Variants in CELF4 observed in about 807,000 individuals in gnomAD.
CELF4 encodes CUG-BP- and ETR-3-like factor 4.
Under a neutral mutation model 59.9 loss-of-function variants are expected in CELF4, and 18 were observed. The ratio of observed to expected loss-of-function variants is 0.30; its 90% CI spans 0.21 to 0.45. The LOEUF (loss-of-function observed/expected upper bound fraction) is 0.45, where lower values mean the gene tolerates loss of function less well. Ranked by LOEUF, CELF4 falls within the 20% of genes least tolerant of loss-of-function variation. The pLI is 1.00. For synonymous variants in CELF4, 261 were observed against 267.1 expected (o/e 0.98, Z 0.22); for missense variants, 456 against 689.0 (o/e 0.66, Z 3.79).
chr18:37,452,440 C>T (rs1293401087), intron 2 of CELF4, among the ~76,000 whole-genome samples: 1 of 152,112 alleles, frequency 6.6e-6, no homozygotes, highest in Non-Finnish European at 1.5e-5. Context: ...GGCTGTCCTA[C>T]CCCAGGCCCT....
At chr18:37,263,103 C>A (rs971322623) in intron 10 of CELF4, among the ~76,000 whole-genome samples, 3 of 152,138 alleles carry the variant, frequency 2.0e-5, no homozygotes, top group Non-Finnish European at 4.4e-5. Flanking sequence ...AGTTTGGGGG[C>A]AGACTCAGCC....
At chr18:37,525,410 C>T (rs774232881) in intron 1 of CELF4, among the ~76,000 whole-genome samples, 1 of 152,194 alleles carries the variant, frequency 6.6e-6, no homozygotes, top group African/African-American at 2.4e-5. Flanking sequence ...GCTCCTGGCG[C>T]CCTTCGGGGT....
chr18:37,442,275 C>T (rs895229885), intron 2 of CELF4, among the ~76,000 whole-genome samples: 2 of 152,172 alleles, frequency 1.3e-5, no homozygotes, highest in African/African-American at 2.4e-5. Context: ...ATTCATCCAC[C>T]TGCTTGCCAA....
intron 1 of CELF4, among the ~76,000 whole-genome samples, chr18:37,534,040 G>A (rs1370945546): frequency 3.9e-5 from 6 of 152,210 alleles, no homozygotes; most frequent in Admixed American, 2.0e-4. Flanking sequence ...GGACCTGGCC[G>A]CTGGGCCCCG....
rs2067438468 is a variant in CELF4 at position 37,254,097 on chromosome 18, C to A, written c.1334-159G>T. On this transcript the variant is annotated intron_variant, in intron 11 of 12. Transcript: ENST00000420428. This position sits in a 1 kb window ranked among gnomAD's most constrained non-coding sequence, Gnocchi z 5.1. The stretch of plus-strand genomic sequence containing the variant: ...CCCCGGTGCCCGCCCCTCTCCAGCC[C>A]GCGCGCGCGTGCTAGGCCCCTCCGG... The A allele has an allele frequency of 2.7e-6, 1 of 372,824 alleles. No homozygotes were observed. The highest frequency in any genetic ancestry group is 4.2e-6 in the Non-Finnish European group (1 of 239,226). 23.1% of individuals were successfully genotyped at this position (372,824 alleles called of 1,614,324 possible).
At chr18:37,550,083 TGG>T (rs58341354) in intron 1 of CELF4, among the ~76,000 whole-genome samples, 13 of 64,786 alleles carry the variant, frequency 2.0e-4, no homozygotes, top group East Asian at 1.9e-3. Flanking sequence ...GTCCAATGGG[TGG>T]GGGGGGGGGA....
In CELF4 at chr18:37,253,690, C is replaced by T. The variant is rs1475129116; in HGVS notation, c.*44+77G>A. On this transcript the variant is annotated intron_variant, in intron 12 of 12. Coordinates refer to ENST00000420428, the MANE Select transcript of CELF4 (RefSeq NM_020180.4). The surrounding 1 kb of genome is among the most constrained non-coding windows in gnomAD (Gnocchi z 4.5). ...AAGGCACCAGTGAGGGTCCGGCCCA[C>T]GGAGGCCGGAGGAGGCGGCGGGTCC... 7.7e-6 allele frequency: 9 copies of T among 1,171,440 alleles called. No individual in the cohort carries two copies. Among genetic ancestry groups the T allele is most frequent in the African/African-American group, 1.6e-5 (1 of 62,408 alleles). The allele number at this position is 1,171,440 out of a possible 1,614,324, so 72.6% of individuals were successfully genotyped here. A position where few individuals can be genotyped will look rare whatever the true frequency, so the allele number is the denominator to read the frequency against.
intron 7 of CELF4, among the ~76,000 whole-genome samples, chr18:37,271,223 G>A (rs2091075129): frequency 1.4e-5 from 2 of 148,128 alleles, no homozygotes; most frequent in Admixed American, 6.7e-5. Context: ...CAGTGCCCTT[G>A]ACTGTAACCA....
chr18:37,494,127 A>G (rs2099922157), intron 1 of CELF4, among the ~76,000 whole-genome samples: 1 of 152,202 alleles, frequency 6.6e-6, no homozygotes, highest in Admixed American at 6.5e-5. Context: ...TGCAGACCTC[A>G]GAGGGTTAAA....
chr18:37,314,038 T>G (rs1253163376), intron 3 of CELF4, among the ~76,000 whole-genome samples: 4 of 152,222 alleles, frequency 2.6e-5, no homozygotes, highest in Non-Finnish European at 5.9e-5. Context: ...CCTCCCAGGC[T>G]GTCACACCTG....
At chr18:37,482,397 T>G (rs2099870310) in intron 2 of CELF4, among the ~76,000 whole-genome samples, 1 of 152,164 alleles carries the variant, frequency 6.6e-6, no homozygotes, top group Non-Finnish European at 1.5e-5. Context: ...CTGCCTGGAT[T>G]CTGGCAGAAG....
chr18:37,564,659 C>A (rs1028845047), intron 1 of CELF4, among the ~76,000 whole-genome samples: 2 of 151,878 alleles, frequency 1.3e-5, no homozygotes, highest in South Asian at 2.1e-4. Context: ...CTTGCCAGAC[C>A]CCCCACTCCA....
intron 2 of CELF4, among the ~76,000 whole-genome samples, chr18:37,444,846 A>G (rs1390139685): frequency 2.0e-5 from 3 of 152,094 alleles, no homozygotes; most frequent in Non-Finnish European, 4.4e-5. Context: ...GAGAGACACT[A>G]GGTATGGTCA....
chr18:37,545,896 T>C (rs183421606), intron 1 of CELF4, among the ~76,000 whole-genome samples: 2 of 152,298 alleles, frequency 1.3e-5, no homozygotes, highest in East Asian at 3.9e-4. Flanking sequence ...ATGCCACAGA[T>C]GGCCCAGCCA....
chr18:37,286,117 G>C (rs1206011641), intron 3 of CELF4, among the ~76,000 whole-genome samples: 1 of 152,244 alleles, frequency 6.6e-6, no homozygotes. Flanking sequence ...TTCTGCAGGG[G>C]AGGAGGAGGA....
intron 2 of CELF4, among the ~76,000 whole-genome samples, chr18:37,458,326 G>A (rs2099784340): frequency 1.3e-5 from 2 of 152,208 alleles, no homozygotes; most frequent in African/African-American, 4.8e-5. Flanking sequence ...TAGAACTCTT[G>A]CCTCTGGGAG....
chr18:37,427,013 C>T (rs1328973416), intron 2 of CELF4, among the ~76,000 whole-genome samples: 1 of 82,938 alleles, frequency 1.2e-5, no homozygotes. Context: ...TCAGACTTGG[C>T]GGGTGCTGGC....
At chr18:37,415,339 G>A (rs1201767431) in intron 2 of CELF4, among the ~76,000 whole-genome samples, 1 of 152,210 alleles carries the variant, frequency 6.6e-6, no homozygotes, top group Non-Finnish European at 1.5e-5. Flanking sequence ...ATCTATTAGT[G>A]GCCTAGAACA....
chr18:37,453,381 C>T (rs2099769430), intron 2 of CELF4, among the ~76,000 whole-genome samples: 1 of 152,180 alleles, frequency 6.6e-6, no homozygotes, highest in East Asian at 1.9e-4. Context: ...ATTCTCTAAC[C>T]AGCCCCAGTA....
Sources: gnomAD v4.1 joint callset for allele counts (sites outside exome capture counted in the v4.1 genomes callset) on GRCh38, gnomAD v4.1.1 for gene constraint, Gnocchi (gnomAD v3.1) non-coding constraint, MANE v1.5 for transcripts, NCBI Gene and HGNC (gene_info 2026-07-23, HGNC 2026-07-21) for gene names.